The following SNX29 variants were observed in gnomAD, a reference collection of about 807,000 sequenced individuals.
SNX29 encodes sorting nexin-29.
Under a neutral mutation model 102.1 loss-of-function variants are expected in SNX29, and 78 were observed. The ratio of observed to expected loss-of-function variants is 0.76; its 90% confidence interval spans 0.64 to 0.92. The LOEUF is 0.92. SNX29 is among the 40% of genes least tolerant of loss of function. The pLI is 0.00. For synonymous variants in SNX29, 580 were observed against 414.5 expected, an observed-to-expected ratio of 1.40 and a Z score of -4.85; for missense variants, 1,280 against 1,061.7, an observed-to-expected ratio of 1.21 and a Z score of -2.86.
chr16:12,147,846 G>A (rs1203912426), intron 13 of SNX29, among the ~76,000 whole-genome samples: 1 of 152,212 alleles, frequency 6.6e-6, no homozygotes, highest in Non-Finnish European at 1.5e-5. Flanking sequence ...CCCTGCAGGC[G>A]GTGACAGTGG....
intron 20 of SNX29, among the ~76,000 whole-genome samples, chr16:12,562,286 C>G (rs78827965): frequency 1.3e-5 from 2 of 152,176 alleles, no homozygotes; most frequent in East Asian, 1.9e-4. Flanking sequence ...CGCTCTATCC[C>G]AGCATCAAAC....
rs2079162350 is a variant in SNX29 at position 12,570,416 on chromosome 16, A to T, written c.*1787A>T. On this transcript the variant is annotated 3_prime_UTR_variant, in exon 21 of 21. Coordinates refer to ENST00000566228, the MANE Select transcript of SNX29 (RefSeq NM_032167.5). Reference sequence around the variant, plus strand: ...GCCAGAGTGCACATCAGCTCACATGACTGGCAACTCTAAATAGAGAGCCCT... The same window carrying T: ...GCCAGAGTGCACATCAGCTCACATGTCTGGCAACTCTAAATAGAGAGCCCT... The T allele has an allele frequency of 2.3e-5, 6 of 262,556 alleles. No individual in the cohort carries two copies. The highest frequency in any genetic ancestry group is 4.1e-5 in the Non-Finnish European group (6 of 145,200). The allele number at this position is 262,556 out of a possible 1,614,324, so 16.3% of individuals were successfully genotyped here.
intron 14 of SNX29, among the ~76,000 whole-genome samples, chr16:12,245,674 A>C (rs1285995153): frequency 6.6e-6 from 1 of 152,092 alleles, no homozygotes; most frequent in African/African-American, 2.4e-5. Context: ...TTATAGAACT[A>C]GTCACAGGCC....
intron 4 of SNX29, among the ~76,000 whole-genome samples, chr16:12,032,292 C>T (rs906416086): frequency 5.9e-5 from 9 of 151,748 alleles, no homozygotes; most frequent in African/African-American, 9.7e-5. Context: ...ACCACAACCT[C>T]CGCCTCCTGG....
rs1598135048 is a variant in SNX29, at chr16:12,570,051, A to T, written c.*1422A>T. ...CATGGAGCATCTCCTAGGCTCGAGG[A>T]CATCTCTGGAGAATCATCTGGAAGG... On this transcript the variant is annotated 3_prime_UTR_variant, in exon 21 of 21. Transcript: ENST00000566228. 1 of 519,858 alleles carries T rather than the reference A, an allele frequency of 1.9e-6. No homozygotes were observed. The highest frequency in any genetic ancestry group is 5.5e-5 in the Admixed American group (1 of 18,082). The allele number at this position is 519,858 out of a possible 1,614,324, so 32.2% of individuals were successfully genotyped here. A position where few individuals can be genotyped will look rare whatever the true frequency, so the allele number is the denominator to read the frequency against.
chr16:12,305,157 G>T (rs1158027617), intron 15 of SNX29, among the ~76,000 whole-genome samples: 2 of 152,228 alleles, frequency 1.3e-5, no homozygotes, highest in African/African-American at 2.4e-5. Context: ...TTTCGAGTCT[G>T]TGCATGCAGT....
chr16:12,519,895 C>CT lies in SNX29; in HGVS notation c.2179-4806dup, dbSNP rs2090029121. Among the ~76,000 whole-genome samples the CT allele has an allele frequency of 2.6e-5, 4 of 152,194 alleles. No individual in the cohort carries two copies. In the South Asian group the frequency reaches 8.3e-4, roughly 32 times the overall value. ...TGGTGGTGTGCCCCTGTAGTCCCAG[C>CT]TACTTGGGAGGCTGAGGCAGGAGAA... On this transcript the variant is annotated intron_variant, in intron 19 of 20. Coordinates refer to ENST00000566228, the MANE Select transcript of SNX29 (RefSeq NM_032167.5).
intron 16 of SNX29, among the ~76,000 whole-genome samples, chr16:12,361,366 A>G (rs2082295102): frequency 6.6e-6 from 1 of 152,234 alleles, no homozygotes; most frequent in South Asian, 2.1e-4. Flanking sequence ...GTCACTGTAG[A>G]TAAATTTTTG....
chr16:12,565,034 C>T (rs558476322), intron 20 of SNX29, among the ~76,000 whole-genome samples: 1 of 152,100 alleles, frequency 6.6e-6, no homozygotes, highest in Admixed American at 6.5e-5. Flanking sequence ...TGGGATGAGC[C>T]TGGCACTGGC....
chr16:12,563,883 G>T (rs4781260), intron 20 of SNX29, among the ~76,000 whole-genome samples: 3 of 151,974 alleles, frequency 2.0e-5, no homozygotes, highest in Non-Finnish European at 4.4e-5. Context: ...CTAGCCCCTT[G>T]GGCCTCTGCC....
chr16:12,550,230 T>C (rs1189842105), intron 20 of SNX29, among the ~76,000 whole-genome samples: 1 of 152,154 alleles, frequency 6.6e-6, no homozygotes, highest in Non-Finnish European at 1.5e-5. Flanking sequence ...ACAATACCTT[T>C]CTAATTTTAG....
intron 18 of SNX29, among the ~76,000 whole-genome samples, chr16:12,414,942 C>T (rs62028373): frequency 1.3e-5 from 2 of 152,122 alleles, no homozygotes; most frequent in Non-Finnish European, 2.9e-5. Context: ...AGGCTGGTCT[C>T]GAACTCCTAA....
At chr16:12,386,926 AC>A (rs1442782900) in intron 16 of SNX29, among the ~76,000 whole-genome samples, 1 of 152,082 alleles carries the variant, frequency 6.6e-6, no homozygotes, top group Non-Finnish European at 1.5e-5. Context: ...GGAATTCAAG[AC>A]TAGCCTGGCT....
chr16:12,319,199 C>G (rs1033811878), intron 15 of SNX29, among the ~76,000 whole-genome samples: 2 of 152,172 alleles, frequency 1.3e-5, no homozygotes, highest in African/African-American at 4.8e-5. Flanking sequence ...AACTTAACCA[C>G]TCAGTCAGTG....
chr16:12,557,015 A>ACACCCCCCCCCCCCCCCCCCCC (rs66825746), intron 20 of SNX29, among the ~76,000 whole-genome samples: 4 of 31,808 alleles, frequency 1.3e-4, no homozygotes, highest in East Asian at 6.4e-4. Context: ...TGGCTAATTT[A>ACACCCCCCCCCCCCCCCCCCCC]CCCCCCCCCC....
chr16:12,059,110 G>T (rs1485142368), intron 8 of SNX29, among the ~76,000 whole-genome samples: 1 of 152,014 alleles, frequency 6.6e-6, no homozygotes, highest in Admixed American at 6.6e-5. Flanking sequence ...TGGTCCTTGG[G>T]GCTCACTTCT....
chr16:12,308,685 T>C (rs769811587), intron 15 of SNX29, among the ~76,000 whole-genome samples: 2 of 152,208 alleles, frequency 1.3e-5, no homozygotes, highest in Non-Finnish European at 1.5e-5. Flanking sequence ...CTGTGTAATA[T>C]TTTCTACTGC....
intron 11 of SNX29, among the ~76,000 whole-genome samples, chr16:12,121,911 G>T (rs1265896420): frequency 6.6e-6 from 1 of 152,178 alleles, no homozygotes. Flanking sequence ...TGCCTCCCGG[G>T]TTCAAGTGAT....
rs530859615 is a variant in SNX29 at position 11,991,228 on chromosome 16, T to G, written c.8-8069T>G. On this transcript the variant is annotated intron_variant, in intron 1 of 20. Transcript: ENST00000566228. ...ACATAACATCATTGTGTGTATCCTG[T>G]AATACTAGTAAGTCATTTATTGTGT... Among the ~76,000 whole-genome samples, 6 of 152,372 alleles carry G rather than the reference T, an allele frequency of 3.9e-5. No homozygotes were observed. The East Asian group carries it at 1.2e-3, about 29-fold the overall frequency.
Sources: allele counts gnomAD v4.1 joint callset (sites outside exome capture counted in the v4.1 genomes callset), GRCh38; gene constraint gnomAD v4.1.1; transcripts MANE v1.5; gene names NCBI Gene and HGNC (gene_info 2026-07-23, HGNC 2026-07-21).